CACNB2: variants seen among roughly 807,000 people sequenced by gnomAD.
The protein encoded by CACNB2 is voltage-dependent L-type calcium channel subunit beta-2.
CACNB2 carries 42 observed loss-of-function variants against 73.3 expected under a neutral mutation model. The observed-to-expected ratio is 0.57, with a 90% CI of 0.45 to 0.74. The LOEUF (loss-of-function observed/expected upper bound fraction) is 0.74. CACNB2 is among the 30% of genes least tolerant of loss of function. The probability of loss-of-function intolerance (pLI) is 0.00; values close to 1 mark genes in which losing one functional copy is unlikely to be tolerated. For synonymous variants in CACNB2, 348 were observed against 310.3 expected (o/e 1.12, Z -1.28); for missense variants, 940 against 853.0 (o/e 1.10, Z -1.27).
intron 1 of CACNB2, among the ~76,000 whole-genome samples, chr10:18,148,095 TAA>T (rs34416277): frequency 6.6e-6 from 1 of 150,878 alleles, no homozygotes; most frequent in African/African-American, 2.4e-5. Context: ...TACAGTTTTT[TAA>T]AAAAAAAGAA....
intron 2 of CACNB2, among the ~76,000 whole-genome samples, chr10:18,168,607 G>A (rs1254103758): frequency 6.6e-6 from 1 of 151,768 alleles, no homozygotes; most frequent in Non-Finnish European, 1.5e-5. Flanking sequence ...CCACTTTTTT[G>A]TTCTCTGCTC....
At chr10:18,224,360 T>A (rs1628528) in intron 2 of CACNB2, 7 of 150,934 alleles carry the variant, frequency 4.6e-5, no homozygotes, top group African/African-American at 1.5e-4. Flanking sequence ...AATTCCAATT[T>A]CTTTGTAGTC....
intron 2 of CACNB2, among the ~76,000 whole-genome samples, chr10:18,286,164 C>G (rs1338942487): frequency 5.3e-5 from 8 of 152,132 alleles, no homozygotes; most frequent in African/African-American, 1.9e-4. Flanking sequence ...TTTAAACATG[C>G]AGCAAAGTTG....
chr10:18,260,192 A>G (rs2037473767), intron 2 of CACNB2, among the ~76,000 whole-genome samples: 1 of 152,168 alleles, frequency 6.6e-6, no homozygotes, highest in Non-Finnish European at 1.5e-5. Flanking sequence ...TGACATTTAC[A>G]TGGTCTTTAG....
At chr10:18,210,169 C>A (rs997195719) in intron 2 of CACNB2, among the ~76,000 whole-genome samples, 12 of 152,176 alleles carry the variant, frequency 7.9e-5, no homozygotes, top group Non-Finnish European at 1.5e-4. Context: ...AGAGTTGATA[C>A]CTGCCAGGTG....
At chr10:18,403,253 A>G (rs1003689717) in intron 3 of CACNB2, among the ~76,000 whole-genome samples, 4 of 152,214 alleles carry the variant, frequency 2.6e-5, no homozygotes, top group African/African-American at 7.2e-5. Flanking sequence ...GTTGCCATCA[A>G]TGAATCTGCT....
chr10:18,524,765 C>G (rs1423526057), intron 9 of CACNB2, among the ~76,000 whole-genome samples: 1 of 151,290 alleles, frequency 6.6e-6, no homozygotes, highest in African/African-American at 2.4e-5. Flanking sequence ...CAGTTCACAC[C>G]TGTAATCCCA....
chr10:18,184,217 T>C (rs2131229946), intron 2 of CACNB2, among the ~76,000 whole-genome samples: 1 of 152,340 alleles, frequency 6.6e-6, no homozygotes, highest in South Asian at 2.1e-4. Flanking sequence ...GATTAAAACC[T>C]GCAAGAGAAA....
chr10:18,289,444 G>T (rs1248766015), intron 2 of CACNB2, among the ~76,000 whole-genome samples: 1 of 150,978 alleles, frequency 6.6e-6, no homozygotes, highest in South Asian at 2.1e-4. Context: ...ACAGGTGCCT[G>T]ACACCACACC....
At chr10:18,319,458 G>A (rs1660185553) in intron 2 of CACNB2, among the ~76,000 whole-genome samples, 1 of 151,900 alleles carries the variant, frequency 6.6e-6, no homozygotes, top group South Asian at 2.1e-4. Context: ...GGGGTGGGGG[G>A]CAAGGGGAAG....
chr10:18,370,802 G>A (rs1201035434), intron 2 of CACNB2, among the ~76,000 whole-genome samples: 1 of 151,930 alleles, frequency 6.6e-6, no homozygotes, highest in Admixed American at 6.6e-5. Context: ...CCCATTGTTG[G>A]GCATTTAGGT....
chr10:18,540,971 G>C lies in CACNB2; in HGVS notation c.*1247G>C, dbSNP rs2054039876. 1 of 152,636 alleles carries C rather than the reference G, an allele frequency of 6.6e-6. No individual in the cohort carries two copies. The highest frequency in any genetic ancestry group is 1.5e-5 in the Non-Finnish European group (1 of 68,050). The allele number at this position is 152,636 out of a possible 1,614,324, so 9.5% of individuals were successfully genotyped here. A position where few individuals can be genotyped will look rare whatever the true frequency, so the allele number is the denominator to read the frequency against. On this transcript the variant is annotated 3_prime_UTR_variant, in exon 14 of 14. Coordinates refer to ENST00000324631, the MANE Select transcript of CACNB2 (RefSeq NM_201596.3). ...CTCCTTGTTTTTGCTCCTAGAGAGT[G>C]AAAATACAGGCAATTTTACTGTGAG...
chr10:18,536,229 T>A (rs1564670212), intron 12 of CACNB2, 33 bp downstream of exon 12: 2 of 756,454 alleles, frequency 2.6e-6, no homozygotes, highest in Admixed American at 1.9e-5. Flanking sequence ...ATAATCCAGT[T>A]ACAGAGATCA....
chr10:18,514,953 T>A (rs2051130738), intron 7 of CACNB2: 1 of 1,535,988 alleles, frequency 6.5e-7, no homozygotes. Flanking sequence ...TTTAATTTAG[T>A]CAGTATTTAA....
intron 2 of CACNB2, among the ~76,000 whole-genome samples, chr10:18,307,685 A>G (rs1312504928): frequency 6.6e-6 from 1 of 152,212 alleles, no homozygotes; most frequent in Non-Finnish European, 1.5e-5. Context: ...GGGAAAGTGA[A>G]CATATAATTT....
chr10:18,192,742 G>A (rs1189993345), intron 2 of CACNB2, among the ~76,000 whole-genome samples: 2 of 152,126 alleles, frequency 1.3e-5, no homozygotes, highest in Non-Finnish European at 2.9e-5. Flanking sequence ...TAGACAACAT[G>A]TAACCTTTTG....
chr10:18,339,117 A>AGG (rs1430425568), intron 2 of CACNB2, among the ~76,000 whole-genome samples: 1 of 151,976 alleles, frequency 6.6e-6, no homozygotes, highest in African/African-American at 2.4e-5. Context: ...TACTCATGTG[A>AGG]GGGTATCCCT....
intron 9 of CACNB2, among the ~76,000 whole-genome samples, chr10:18,522,967 T>A (rs993283843): frequency 6.8e-6 from 1 of 146,906 alleles, no homozygotes; most frequent in African/African-American, 2.5e-5. Context: ...AAAACTATTA[T>A]AAGTTTCAAG....
chr10:18,166,065 A>G (rs764761708), intron 2 of CACNB2, among the ~76,000 whole-genome samples: 25 of 152,234 alleles, frequency 1.6e-4, no homozygotes, highest in Non-Finnish European at 2.8e-4. Flanking sequence ...GTATATGTAC[A>G]AGTATACATC....
Sources: allele counts gnomAD v4.1 joint callset (sites outside exome capture counted in the v4.1 genomes callset), GRCh38; gene constraint gnomAD v4.1.1; transcripts MANE v1.5; gene names NCBI Gene and HGNC (gene_info 2026-07-23, HGNC 2026-07-21).